Variants in MAMLD1 observed in about 807,000 individuals in gnomAD.
MAMLD1 encodes the protein mastermind-like domain-containing protein 1.
In MAMLD1, 14 loss-of-function variants were observed where a neutral mutation model predicts 45.0. The observed-to-expected ratio is 0.31, with a 90% CI of 0.21 to 0.49. MAMLD1 has a LOEUF of 0.49. MAMLD1 is among the 20% of genes least tolerant of loss of function. MAMLD1 has a pLI of 0.99. For missense variants in MAMLD1, 543 were observed against 603.6 expected (o/e 0.90, Z 1.05); for synonymous variants, 254 against 247.8 (o/e 1.02, Z -0.24).
intron 1 of MAMLD1, among the ~76,000 whole-genome samples, chrX:150,392,581 A>G (rs1378327746): frequency 9.1e-6 from 1 of 110,059 alleles, no homozygotes; most frequent in Non-Finnish European, 1.9e-5. Context: ...ATCTGCTTAC[A>G]TGAGAATTGG....
In MAMLD1 at chrX:150,398,252, G is replaced by GAGAAGAAGAAGAAGA. The variant is rs1221742768; in HGVS notation, c.-64+34798_-64+34812dup. Among the ~76,000 whole-genome samples, 23 of 40,763 alleles carry GAGAAGAAGAAGAAGA rather than the reference G, an allele frequency of 5.6e-4. 2 individuals are homozygous for GAGAAGAAGAAGAAGA. Among genetic ancestry groups the GAGAAGAAGAAGAAGA allele is most frequent in the East Asian group, 9.2e-4 (1 of 1,084 alleles). The allele number at this position is 40,763 out of a possible 115,157, so 35.4% of individuals were successfully genotyped here. ...GGAGAAGAAGGAGAAGGAGGAGAAGGAGAAGAAGAAGAAGAAGAAGAAGAA... is the reference window on the plus strand; with the variant it reads ...GGAGAAGAAGGAGAAGGAGGAGAAGGAGAAGAAGAAGAAGAAGAAGAAGAAGAAGAAGAAGAAGAA... On this transcript the variant is annotated intron_variant, in intron 1 of 7. Coordinates refer to ENST00000370401, the MANE Select transcript of MAMLD1 (RefSeq NM_005491.5).
chrX:150,453,393 T>C lies in MAMLD1; in HGVS notation c.96+7781T>C, dbSNP rs782535081. On this transcript the variant is annotated intron_variant, in intron 2 of 7. Transcript: ENST00000370401. Reference sequence around the variant, plus strand: ...TTTGCCAACACTTGGTCTGTATCACTGGGCATTTGGTTCATTTGTTTACCC... The same window carrying C: ...TTTGCCAACACTTGGTCTGTATCACCGGGCATTTGGTTCATTTGTTTACCC... Among the ~76,000 whole-genome samples, 20 of 112,007 alleles carry C rather than the reference T, an allele frequency of 1.8e-4. 1 individual carries two copies. In the South Asian group the frequency reaches 5.2e-3, roughly 29 times the overall value.
intron 1 of MAMLD1, among the ~76,000 whole-genome samples, chrX:150,372,351 T>G (rs1029102404): frequency 9.0e-6 from 1 of 111,134 alleles, no homozygotes; most frequent in Non-Finnish European, 1.9e-5. Flanking sequence ...CTGGCAATGG[T>G]GGGAGGTTGT....
chrX:150,463,436 G>T (rs967158112), intron 3 of MAMLD1, among the ~76,000 whole-genome samples: 1 of 112,034 alleles, frequency 8.9e-6, no homozygotes, highest in African/African-American at 3.2e-5. Context: ...GGAGTTAGAG[G>T]CTAGCTCTCA....
intron 4 of MAMLD1, among the ~76,000 whole-genome samples, chrX:150,472,239 G>A (rs782282919): frequency 1.9e-4 from 21 of 111,930 alleles, no homozygotes; most frequent in African/African-American, 3.9e-4. Context: ...CACCTGGGTC[G>A]TGTCTATCAC....
intron 3 of MAMLD1, 146 bp from the exon 4 acceptor site, chrX:150,469,599 A>C: frequency 2.1e-6 from 1 of 466,513 alleles, no homozygotes; most frequent in African/African-American, 2.4e-5. Context: ...AAACCTTTAT[A>C]AAAATTCCTC....
chrX:150,409,554 T>C (rs1392631281), intron 1 of MAMLD1, among the ~76,000 whole-genome samples: 1 of 111,492 alleles, frequency 9.0e-6, no homozygotes, highest in Admixed American at 9.5e-5. Context: ...GGGACATTAA[T>C]ATTATGATTA....
chrX:150,372,461 T>A, intron 1 of MAMLD1, among the ~76,000 whole-genome samples: 1 of 111,930 alleles, frequency 8.9e-6, no homozygotes, highest in Middle Eastern at 4.7e-3. Flanking sequence ...TTTGGTGCAG[T>A]TGCCAACGTC....
intron 3 of MAMLD1, among the ~76,000 whole-genome samples, chrX:150,468,595 T>G (rs2036298437): frequency 9.0e-6 from 1 of 111,360 alleles, no homozygotes; most frequent in South Asian, 3.8e-4. Flanking sequence ...GTCATGGTCA[T>G]TAACACAACA....
At chrX:150,481,964 A>AAAAGAAAGAAAGAAAG (rs57124938) in intron 5 of MAMLD1, among the ~76,000 whole-genome samples, 161 of 56,571 alleles carry the variant, frequency 2.8e-3, no homozygotes, top group East Asian at 9.9e-3. Context: ...AAAGAAAGAA[A>AAAAGAAAGAAAGAAAG]AAAGAAAGAA....
intron 1 of MAMLD1, among the ~76,000 whole-genome samples, chrX:150,430,946 A>G (rs1238616792): frequency 3.6e-5 from 4 of 112,141 alleles, no homozygotes; most frequent in African/African-American, 1.3e-4. Context: ...TTTCCATAAA[A>G]TTTTGGAAAA....
At chrX:150,425,747 G>A (rs1228657814) in intron 1 of MAMLD1, among the ~76,000 whole-genome samples, 12 of 111,725 alleles carry the variant, frequency 1.1e-4, no homozygotes, top group African/African-American at 3.9e-4. Flanking sequence ...TTACAGTCTA[G>A]AGGAGGAATC....
intron 1 of MAMLD1, among the ~76,000 whole-genome samples, chrX:150,403,901 A>G (rs1557402558): frequency 1.9e-5 from 2 of 104,209 alleles, no homozygotes; most frequent in Non-Finnish European, 3.9e-5. Flanking sequence ...AAAGAAAAAG[A>G]AAGAAGAAAG....
At chrX:150,445,175 G>C (rs2035446628) in intron 1 of MAMLD1, among the ~76,000 whole-genome samples, 3 of 112,022 alleles carry the variant, frequency 2.7e-5, no homozygotes, top group Admixed American at 1.9e-4. Flanking sequence ...TGTTATTTTA[G>C]TCACATGAAG....
Position 150,470,906 on chromosome X carries a change from T to G in MAMLD1, c.1333T>G (p.Ser445Ala). Residue 445 changes from serine (S) to alanine (A), a missense_variant, in exon 4 of 8, where the codon TCT (serine) becomes GCT (alanine). Transcript: ENST00000370401. Reference sequence around the variant, plus strand: ...CAAAACCCCTCAAGGACACCTGATGTCTGCTCTGCCTGCCAGCAACCCTGG... The same window carrying G: ...CAAAACCCCTCAAGGACACCTGATGGCTGCTCTGCCTGCCAGCAACCCTGG... ...TIKTPQGHLM[S>A]ALPASNPGPS... The G allele has an allele frequency of 8.3e-7, 1 of 1,211,809 alleles. No homozygotes were observed. Among genetic ancestry groups the G allele is most frequent in the Non-Finnish European group, 1.1e-6 (1 of 895,575 alleles).
At chrX:150,377,819 TCACACACACACACA>T (rs3066915) in intron 1 of MAMLD1, among the ~76,000 whole-genome samples, 6 of 91,841 alleles carry the variant, frequency 6.5e-5, no homozygotes, top group African/African-American at 1.2e-4. Flanking sequence ...TACCACCCCC[TCACACACACACACA>T]CACACACACA....
intron 1 of MAMLD1, among the ~76,000 whole-genome samples, chrX:150,367,225 A>G (rs1309741296): frequency 1.1e-5 from 1 of 95,140 alleles, no homozygotes; most frequent in Non-Finnish European, 2.1e-5. Flanking sequence ...TAGGAACGTC[A>G]TTGAATTTTT....
Position 150,432,925 on chromosome X carries a change from A to AT in MAMLD1, c.-63-12520dup, listed in dbSNP as rs201011693. 3.4e-3 allele frequency among the ~76,000 whole-genome samples: 369 copies of AT among 109,059 alleles called. 3 individuals carry two copies. The highest frequency in any genetic ancestry group is 0.011 in the African/African-American group (343 of 30,046). 94.7% of individuals were successfully genotyped at this position (109,059 alleles called of 115,157 possible). On this transcript the variant is annotated intron_variant, in intron 1 of 7. Coordinates refer to ENST00000370401, the MANE Select transcript of MAMLD1 (RefSeq NM_005491.5). ...TTCTTTTAGGTTCCATATGAATTTT[A>AT]TTTTTTTTTCTAATTCTCTGAAGAA...
At position 150,394,129 on chromosome X, in the gene MAMLD1, C is replaced by CTTTTTTTTTTTTTTTT. The variant is rs781904160; in HGVS notation, c.-64+30609_-64+30624dup. On this transcript the variant is annotated intron_variant, in intron 1 of 7. Coordinates refer to ENST00000370401, the MANE Select transcript of MAMLD1 (RefSeq NM_005491.5). ...GGGGTGTAAGGTCTATATCTACATC[C>CTTTTTTTTTTTTTTTT]TTTTTTTTTTTTTTTTTTTTTTTTT... Among the ~76,000 whole-genome samples the CTTTTTTTTTTTTTTTT allele has an allele frequency of 6.6e-3, 81 of 12,261 alleles. 15 individuals are homozygous for CTTTTTTTTTTTTTTTT. Among genetic ancestry groups the CTTTTTTTTTTTTTTTT allele is most frequent in the East Asian group, 0.014 (4 of 280 alleles). The allele number at this position is 12,261 out of a possible 115,157, so 10.6% of individuals were successfully genotyped here.
Sources: gnomAD v4.1 joint callset for allele counts (sites outside exome capture counted in the v4.1 genomes callset) on GRCh38, gnomAD v4.1.1 for gene constraint, MANE v1.5 for transcripts, NCBI Gene and HGNC (gene_info 2026-07-23, HGNC 2026-07-21) for gene names.